The following TMEM132B variants were observed in gnomAD, a reference collection of about 807,000 sequenced individuals.
The protein encoded by TMEM132B is transmembrane protein 132B.
In TMEM132B, 18 loss-of-function variants were observed where a neutral mutation model predicts 90.8. The observed-to-expected ratio is 0.20, with a 90% CI of 0.14 to 0.29. TMEM132B has a LOEUF of 0.29. TMEM132B is among the 10% of genes least tolerant of loss of function. The pLI, the probability that TMEM132B is intolerant of heterozygous loss-of-function variation, is 1.00. For synonymous variants in TMEM132B, 504 were observed against 523.3 expected (o/e 0.96, Z 0.50); for missense variants, 1,096 against 1,326.8 (o/e 0.83, Z 2.70).
chr12:125,293,657 C>T (rs1875598218), intron 1 of TMEM132B, among the ~76,000 whole-genome samples: 1 of 152,188 alleles, frequency 6.6e-6, no homozygotes, highest in South Asian at 2.1e-4. Flanking sequence ...TGTAATATTC[C>T]ATGGTGTATA....
rs1033816431 is a variant in TMEM132B, at chr12:125,658,609, A to G, written c.*3899A>G. The G allele has an allele frequency of 3.3e-5, 5 of 152,242 alleles. No homozygotes were observed. Among genetic ancestry groups the G allele is most frequent in the Admixed American group, 6.5e-5 (1 of 15,286 alleles). 9.4% of individuals were successfully genotyped at this position (152,242 alleles called of 1,614,324 possible). A position where few individuals can be genotyped will look rare whatever the true frequency, so the allele number is the denominator to read the frequency against. On this transcript the variant is annotated 3_prime_UTR_variant, in exon 9 of 9. Coordinates refer to ENST00000682704, the MANE Select transcript of TMEM132B (RefSeq NM_001366854.1). ...ATGTAATGCATATCACCTGTCATGT[A>G]AAGGGACGGTATGGATGGTGGAAAA...
At chr12:125,269,562 C>T (rs1350900809) in intron 1 of TMEM132B, among the ~76,000 whole-genome samples, 1 of 152,126 alleles carries the variant, frequency 6.6e-6, no homozygotes, top group Non-Finnish European at 1.5e-5. Flanking sequence ...TGTTCTCACC[C>T]AGGATGAATA....
At chr12:125,235,948 C>T (rs867156487) in intron 1 of TMEM132B, among the ~76,000 whole-genome samples, 3 of 150,246 alleles carry the variant, frequency 2.0e-5, no homozygotes, top group Non-Finnish European at 3.0e-5. Context: ...GGGCCACAGG[C>T]GTCCACCACC....
chr12:125,610,508 T>A (rs1464212986), intron 5 of TMEM132B, among the ~76,000 whole-genome samples: 1 of 152,152 alleles, frequency 6.6e-6, no homozygotes, highest in Non-Finnish European at 1.5e-5. Context: ...GTTGATCATG[T>A]GTTTTTGTTC....
At chr12:125,360,476 C>G (rs1300871541) in intron 2 of TMEM132B, among the ~76,000 whole-genome samples, 1 of 152,114 alleles carries the variant, frequency 6.6e-6, no homozygotes, top group Non-Finnish European at 1.5e-5. Flanking sequence ...AAGAGGTGAA[C>G]TGGTAGCAAT....
rs765708888 is a variant in TMEM132B, at chr12:125,277,675, G to A, written c.68-71777G>A. The stretch of plus-strand genomic sequence containing the variant: ...TCTCCAGAGCCTTTGGAGGGAGCAG[G>A]GTCCTACCCACACCTTGGTCTTGGA... On this transcript the variant is annotated intron_variant, in intron 1 of 8. Transcript: ENST00000682704. The surrounding 1 kb of genome is among the most constrained non-coding windows in gnomAD (Gnocchi z 4.3). Among the ~76,000 whole-genome samples, 34 of 152,186 alleles carry A rather than the reference G, an allele frequency of 2.2e-4. No homozygotes were observed. In the Middle Eastern group the frequency reaches 0.01, roughly 46 times the overall value.
chr12:125,515,127 C>G (rs940646089), intron 3 of TMEM132B, among the ~76,000 whole-genome samples: 1 of 152,194 alleles, frequency 6.6e-6, no homozygotes, highest in Non-Finnish European at 1.5e-5. Context: ...TCCTAACACA[C>G]GCAGACACAC....
chr12:125,411,695 G>A (rs1335387485), intron 2 of TMEM132B, among the ~76,000 whole-genome samples: 1 of 152,006 alleles, frequency 6.6e-6, no homozygotes, highest in Non-Finnish European at 1.5e-5. Context: ...TGTCTTGAGA[G>A]CTTAGCAGCA....
chr12:125,213,509 C>T lies in TMEM132B; in HGVS notation c.67+26643C>T, dbSNP rs755044132. Among the ~76,000 whole-genome samples, 17 of 152,176 alleles carry T rather than the reference C, an allele frequency of 1.1e-4. No individual in the cohort carries two copies. Among genetic ancestry groups the T allele is most frequent in the South Asian group, 4.1e-4 (2 of 4,824 alleles). ...TGGAAAGCTATCAGAATTTTGAGCC[C>T]GGAGTTCTGAGCCCGTAAAAGATTC... On this transcript the variant is annotated intron_variant, in intron 1 of 8. Coordinates refer to ENST00000682704, the MANE Select transcript of TMEM132B (RefSeq NM_001366854.1). This position sits in a 1 kb window ranked among gnomAD's most constrained non-coding sequence, Gnocchi z 4.2.
intron 4 of TMEM132B, among the ~76,000 whole-genome samples, chr12:125,525,547 C>G (rs1883429508): frequency 6.6e-6 from 1 of 152,246 alleles, no homozygotes; most frequent in Non-Finnish European, 1.5e-5. Context: ...TCAGCAGACA[C>G]TGACCTTGCT....
intron 1 of TMEM132B, among the ~76,000 whole-genome samples, chr12:125,288,169 C>T (rs796581121): frequency 9.6e-4 from 146 of 151,758 alleles, no homozygotes; most frequent in African/African-American, 3.4e-3. Flanking sequence ...CCACTGCACC[C>T]GGCCTCTTTC....
chr12:125,452,276 G>T (rs1197962256), intron 3 of TMEM132B, among the ~76,000 whole-genome samples: 2 of 152,012 alleles, frequency 1.3e-5, no homozygotes, highest in African/African-American at 4.8e-5. Context: ...ATTTCTTGGG[G>T]TCACTGAGAC....
chr12:125,457,225 C>T (rs1358013427), intron 3 of TMEM132B, among the ~76,000 whole-genome samples: 3 of 152,218 alleles, frequency 2.0e-5, no homozygotes, highest in Admixed American at 1.3e-4. Context: ...TCCTTCTCTC[C>T]ACCTCCTTCG....
At chr12:125,620,517 GCTGT>G (rs1261555749) in intron 5 of TMEM132B, among the ~76,000 whole-genome samples, 1 of 152,162 alleles carries the variant, frequency 6.6e-6, no homozygotes, top group Non-Finnish European at 1.5e-5. Flanking sequence ...AGCTTAATGT[GCTGT>G]CTTTCTCCAA....
At chr12:125,438,391 C>G (rs1278064140) in intron 3 of TMEM132B, among the ~76,000 whole-genome samples, 1 of 152,238 alleles carries the variant, frequency 6.6e-6, no homozygotes, top group Non-Finnish European at 1.5e-5. Context: ...CAACAATAAG[C>G]TGGTGCCCAC....
intron 3 of TMEM132B, among the ~76,000 whole-genome samples, chr12:125,491,001 A>G (rs1230483501): frequency 1.3e-5 from 2 of 152,172 alleles, no homozygotes; most frequent in African/African-American, 4.8e-5. Context: ...GACAATAGCC[A>G]TATGGGTGTG....
At chr12:125,385,079 C>T (rs565415414) in intron 2 of TMEM132B, among the ~76,000 whole-genome samples, 16 of 152,320 alleles carry the variant, frequency 1.1e-4, no homozygotes, top group African/African-American at 3.9e-4. Flanking sequence ...AAAGTGAGAT[C>T]ATGCTGCATT....
intron 4 of TMEM132B, among the ~76,000 whole-genome samples, chr12:125,531,464 C>T (rs1468605232): frequency 6.6e-6 from 1 of 152,188 alleles, no homozygotes; most frequent in Non-Finnish European, 1.5e-5. Context: ...GCTGGGATTA[C>T]AGGAGCGAGC....
chr12:125,499,602 A>G (rs1882644641), intron 3 of TMEM132B, among the ~76,000 whole-genome samples: 1 of 152,196 alleles, frequency 6.6e-6, no homozygotes, highest in African/African-American at 2.4e-5. Flanking sequence ...AAGTGGACGC[A>G]TGGGGGGTGC....
Sources: allele counts gnomAD v4.1 joint callset (sites outside exome capture counted in the v4.1 genomes callset), GRCh38; gene constraint gnomAD v4.1.1; non-coding constraint Gnocchi (gnomAD v3.1); transcripts MANE v1.5; gene names NCBI Gene and HGNC (gene_info 2026-07-23, HGNC 2026-07-21).